The following AGBL4 variants were observed in gnomAD, a reference collection of about 807,000 sequenced individuals.
The protein encoded by AGBL4 is cytosolic carboxypeptidase 6.
AGBL4 carries 58 observed loss-of-function variants against 66.4 expected under a neutral mutation model. That is an observed-to-expected ratio of 0.87 (90% CI 0.71 to 1.09). AGBL4 has a LOEUF of 1.09. AGBL4 is among the 50% of genes least tolerant of loss of function. AGBL4 has a pLI of 0.00. For missense variants in AGBL4, 579 were observed against 631.0 expected (o/e 0.92, Z 0.88); for synonymous variants, 234 against 222.9 (o/e 1.05, Z -0.44).
chr1:49,953,539 A>C (rs750832527), intron 1 of AGBL4, among the ~76,000 whole-genome samples: 2 of 151,956 alleles, frequency 1.3e-5, no homozygotes, highest in African/African-American at 2.4e-5. Context: ...CTATTCCCAG[A>C]GATCAGAAGT....
At chr1:48,776,624 G>A in intron 6 of AGBL4, 1 of 1,471,562 alleles carries the variant, frequency 6.8e-7, no homozygotes, top group East Asian at 3.0e-5. Flanking sequence ...GCCAGGATCT[G>A]GGCCTTGTGG....
At chr1:49,462,797 G>A (rs1270070856) in intron 3 of AGBL4, among the ~76,000 whole-genome samples, 23 of 151,700 alleles carry the variant, frequency 1.5e-4, no homozygotes, top group Admixed American at 1.5e-3. Flanking sequence ...GTGATAGTCT[G>A]TTGGAGAATT....
At chr1:49,005,125 T>A (rs1661685782) in intron 5 of AGBL4, among the ~76,000 whole-genome samples, 1 of 152,156 alleles carries the variant, frequency 6.6e-6, no homozygotes, top group Non-Finnish European at 1.5e-5. Context: ...AATATTTAGT[T>A]GAAAAATCAT....
At chr1:49,911,790 G>A (rs1470192388) in intron 1 of AGBL4, among the ~76,000 whole-genome samples, 1 of 152,140 alleles carries the variant, frequency 6.6e-6, no homozygotes, top group African/African-American at 2.4e-5. Flanking sequence ...CATCTGCCAC[G>A]GGGTCCAAAA....
chr1:49,751,063 T>G (rs1396949601), intron 2 of AGBL4, among the ~76,000 whole-genome samples: 1 of 152,174 alleles, frequency 6.6e-6, no homozygotes, highest in African/African-American at 2.4e-5. Context: ...TCTCTTCCTA[T>G]TTGAATAACC....
chr1:49,704,666 C>A (rs1647169301), intron 2 of AGBL4, among the ~76,000 whole-genome samples: 1 of 152,104 alleles, frequency 6.6e-6, no homozygotes, highest in Non-Finnish European at 1.5e-5. Flanking sequence ...GTTTTCCCAA[C>A]ACCATTTATT....
At chr1:49,921,097 G>T (rs985757596) in intron 1 of AGBL4, among the ~76,000 whole-genome samples, 3 of 152,110 alleles carry the variant, frequency 2.0e-5, no homozygotes, top group African/African-American at 7.2e-5. Context: ...TCGTGGGGTG[G>T]GAGTATGGGG....
intron 1 of AGBL4, among the ~76,000 whole-genome samples, chr1:49,862,353 CA>C (rs59447912): frequency 0.88 from 121,105 of 137,714 alleles, 52,926 homozygotes; most frequent in Middle Eastern, 0.92. Context: ...ATATAGGAGA[CA>C]AAAAAAAAAA....
chr1:49,775,249 A>G (rs1331870166), intron 2 of AGBL4, among the ~76,000 whole-genome samples: 1 of 152,206 alleles, frequency 6.6e-6, no homozygotes, highest in African/African-American at 2.4e-5. Flanking sequence ...CCCAGTGCTC[A>G]GTGCCCTCAT....
chr1:48,575,667 T>G (rs554375627), intron 11 of AGBL4, among the ~76,000 whole-genome samples: 1 of 152,192 alleles, frequency 6.6e-6, no homozygotes, highest in African/African-American at 2.4e-5. Context: ...CTTTGCTCCC[T>G]TCTCATCCTT....
chr1:48,939,226 T>G (rs1484954494), intron 5 of AGBL4, among the ~76,000 whole-genome samples: 1 of 152,030 alleles, frequency 6.6e-6, no homozygotes, highest in Non-Finnish European at 1.5e-5. Context: ...CACAAAGGAG[T>G]TAACTATTTG....
chr1:49,938,019 G>C (rs1654289212), intron 1 of AGBL4, among the ~76,000 whole-genome samples: 1 of 149,136 alleles, frequency 6.7e-6, no homozygotes, highest in Non-Finnish European at 1.5e-5. Context: ...AGAAAATAGA[G>C]ACAAAAAAAG....
chr1:49,721,371 C>T (rs1648596081), intron 2 of AGBL4, among the ~76,000 whole-genome samples: 1 of 151,920 alleles, frequency 6.6e-6, no homozygotes, highest in African/African-American at 2.4e-5. Flanking sequence ...AAAGCTGTAA[C>T]ACTCACTGTG....
At chr1:48,674,874 C>T (rs1002868446) in intron 6 of AGBL4, among the ~76,000 whole-genome samples, 9 of 152,180 alleles carry the variant, frequency 5.9e-5, no homozygotes, top group African/African-American at 1.9e-4. Context: ...ACTCTCTGCT[C>T]TGTTCCCTCC....
intron 3 of AGBL4, among the ~76,000 whole-genome samples, chr1:49,664,968 A>G (rs1558145835): frequency 6.6e-6 from 1 of 152,140 alleles, no homozygotes; most frequent in Non-Finnish European, 1.5e-5. Context: ...TGAACTAATA[A>G]TACAAAACTT....
intron 4 of AGBL4, among the ~76,000 whole-genome samples, chr1:49,091,009 G>C (rs920784767): frequency 4.6e-5 from 7 of 152,088 alleles, no homozygotes; most frequent in African/African-American, 1.7e-4. Flanking sequence ...TTCAGTTAGT[G>C]GTGCTGGGAT....
At chr1:49,762,284 T>TA (rs1200081254) in intron 2 of AGBL4, among the ~76,000 whole-genome samples, 1 of 152,208 alleles carries the variant, frequency 6.6e-6, no homozygotes, top group Admixed American at 6.5e-5. Flanking sequence ...AGTAAGGTGG[T>TA]ACCTCAGTAT....
At chr1:49,336,451 A>G (rs962769041) in intron 3 of AGBL4, among the ~76,000 whole-genome samples, 3 of 152,264 alleles carry the variant, frequency 2.0e-5, no homozygotes, top group South Asian at 2.1e-4. Context: ...TCACGGACAC[A>G]GTGAGCATGA....
At position 49,761,131 on chromosome 1, in the gene AGBL4, G is replaced by A. The variant is rs12057741; in HGVS notation, c.158-63694C>T. On this transcript the variant is annotated intron_variant, in intron 2 of 13. Transcript: ENST00000371839. The stretch of plus-strand genomic sequence containing the variant: ...CCTGCATGTTCTGCACATGCATCCC[G>A]TTTTTTTTTTTTTTAAGAAAAAATT... Among the ~76,000 whole-genome samples the A allele has an allele frequency of 2.2e-3, 306 of 136,160 alleles. 3 individuals are homozygous for A. The highest frequency in any genetic ancestry group is 7.6e-3 in the African/African-American group (284 of 37,422). 89.3% of individuals were successfully genotyped at this position (136,160 alleles called of 152,430 possible).
Sources: allele counts gnomAD v4.1 joint callset (sites outside exome capture counted in the v4.1 genomes callset), GRCh38; gene constraint gnomAD v4.1.1; transcripts MANE v1.5; gene names NCBI Gene and HGNC (gene_info 2026-07-23, HGNC 2026-07-21).